The following ZNF536 variants were observed in gnomAD, a reference collection of about 807,000 sequenced individuals.
ZNF536 encodes zinc finger protein 536.
In ZNF536, 13 loss-of-function variants were observed where a neutral mutation model predicts 84.5. That is an observed-to-expected ratio of 0.15 (90% CI 0.10 to 0.24). The LOEUF (loss-of-function observed/expected upper bound fraction) is 0.24, where lower values mean the gene tolerates loss of function less well. Ranked by LOEUF, ZNF536 falls within the 10% of genes least tolerant of loss-of-function variation. ZNF536 has a pLI of 1.00. For missense variants in ZNF536, 1,536 were observed against 1,747.5 expected (o/e 0.88, Z 2.16); for synonymous variants, 811 against 742.5 (o/e 1.09, Z -1.50).
intron 1 of ZNF536, among the ~76,000 whole-genome samples, chr19:30,680,434 G>T (rs1432815191): frequency 1.2e-4 from 15 of 120,642 alleles, no homozygotes; most frequent in Non-Finnish European, 2.4e-4. Flanking sequence ...CCCAGAATGT[G>T]ATGTTCCCCT....
chr19:30,446,393 C>T (rs1201607507), intron 2 of ZNF536, among the ~76,000 whole-genome samples: 1 of 152,064 alleles, frequency 6.6e-6, no homozygotes, highest in East Asian at 1.9e-4. Flanking sequence ...CCGCCTGACG[C>T]TGTCGGCCAT....
At chr19:30,341,101 G>A (rs2047551089) in intron 2 of ZNF536, among the ~76,000 whole-genome samples, 1 of 152,126 alleles carries the variant, frequency 6.6e-6, no homozygotes, top group African/African-American at 2.4e-5. Flanking sequence ...TAAAACAGAT[G>A]GAAGCTTTAC....
chr19:30,315,224 C>T (rs1040832805), intron 2 of ZNF536, among the ~76,000 whole-genome samples: 1 of 152,164 alleles, frequency 6.6e-6, no homozygotes, highest in Non-Finnish European at 1.5e-5. Context: ...GAGGCATGGT[C>T]CTTCTCTTGT....
chr19:30,683,109 T>A (rs924573874), intron 1 of ZNF536, among the ~76,000 whole-genome samples: 1 of 152,058 alleles, frequency 6.6e-6, no homozygotes, highest in African/African-American at 2.4e-5. Context: ...TTCCTCCGAG[T>A]GACTCACGCG....
chr19:30,313,998 C>T (rs1382654786), intron 2 of ZNF536, among the ~76,000 whole-genome samples: 3 of 152,232 alleles, frequency 2.0e-5, no homozygotes. Context: ...GGCAACTACT[C>T]CAACGCTCCT....
chr19:30,299,637 A>T (rs921588461), intron 2 of ZNF536, among the ~76,000 whole-genome samples: 1 of 152,220 alleles, frequency 6.6e-6, no homozygotes, highest in African/African-American at 2.4e-5. Context: ...GGCATTCACT[A>T]GTTCTCAGAA....
chr19:30,388,158 C>T (rs1244393924), intron 1 of ZNF536, among the ~76,000 whole-genome samples: 3 of 152,104 alleles, frequency 2.0e-5, no homozygotes, highest in African/African-American at 2.4e-5. Context: ...TAAGATTTCC[C>T]GGGGGAGTGA....
chr19:30,247,044 G>T (rs1397450978), intron 1 of ZNF536, among the ~76,000 whole-genome samples: 1 of 152,214 alleles, frequency 6.6e-6, no homozygotes, highest in Non-Finnish European at 1.5e-5. Flanking sequence ...GGTTCTTCCA[G>T]CTTTCCGCTG....
At chr19:30,558,581 C>T (rs1457177093), downstream of ZNF536, among the ~76,000 whole-genome samples, 1 of 152,160 alleles carries the variant, frequency 6.6e-6, no homozygotes, top group Admixed American at 6.5e-5. Flanking sequence ...TTCTGCTGAC[C>T]TTTTCGGACT....
intron 4 of ZNF536, among the ~76,000 whole-genome samples, chr19:30,552,860 A>G (rs1002449933): frequency 6.6e-6 from 1 of 152,194 alleles, no homozygotes. Context: ...AGGACAGCAC[A>G]CGGCCTGTCA....
At chr19:30,308,720 G>T (rs1755062822) in intron 2 of ZNF536, among the ~76,000 whole-genome samples, 1 of 152,118 alleles carries the variant, frequency 6.6e-6, no homozygotes, top group South Asian at 2.1e-4. Flanking sequence ...GACAGCTTGG[G>T]AACTGCAAGC....
chr19:30,380,013 G>A (rs1465617180), intron 1 of ZNF536, among the ~76,000 whole-genome samples: 1 of 152,210 alleles, frequency 6.6e-6, no homozygotes, highest in Non-Finnish European at 1.5e-5. Flanking sequence ...GCCAGTGATG[G>A]AGCAGGGACT....
At chr19:30,669,630 G>T (rs2050467363) in intron 1 of ZNF536, among the ~76,000 whole-genome samples, 1 of 152,200 alleles carries the variant, frequency 6.6e-6, no homozygotes. Context: ...GAGGGCGCCC[G>T]ATCCTCGCAG....
chr19:30,274,961 GAAAGCCTTT>G (rs1282589016), intron 1 of ZNF536, among the ~76,000 whole-genome samples: 2 of 152,208 alleles, frequency 1.3e-5, no homozygotes, highest in African/African-American at 4.8e-5. Context: ...CACTCTATTA[GAAAGCCTTT>G]ATAATTTTCT....
intron 1 of ZNF536, among the ~76,000 whole-genome samples, chr19:30,641,745 T>C (rs1389514724): frequency 6.6e-6 from 1 of 152,200 alleles, no homozygotes; most frequent in Non-Finnish European, 1.5e-5. Context: ...TCAGATTTAC[T>C]CCTCAATGGG....
chr19:30,540,932 G>T (rs561839130), intron 3 of ZNF536, among the ~76,000 whole-genome samples: 2 of 152,216 alleles, frequency 1.3e-5, no homozygotes, highest in Non-Finnish European at 2.9e-5. Flanking sequence ...GGCTTCCTTG[G>T]CCCCACGTGC....
At chr19:30,509,936 G>A (rs2055342526) in intron 2 of ZNF536, among the ~76,000 whole-genome samples, 1 of 152,232 alleles carries the variant, frequency 6.6e-6, no homozygotes, top group African/African-American at 2.4e-5. Context: ...TGCATGGCAG[G>A]AGCCGAGATC....
intron 1 of ZNF536, among the ~76,000 whole-genome samples, chr19:30,393,136 C>A (rs1012205045): frequency 6.6e-6 from 1 of 152,292 alleles, no homozygotes; most frequent in South Asian, 2.1e-4. Context: ...ATCATTTATT[C>A]GTCCATCCAC....
intron 1 of ZNF536, among the ~76,000 whole-genome samples, chr19:30,704,589 G>A (rs1027893262): frequency 6.8e-6 from 1 of 147,158 alleles, no homozygotes; most frequent in African/African-American, 2.5e-5. Flanking sequence ...AGAGGTTGCA[G>A]TGAGCTGAGA....
Sources: allele counts gnomAD v4.1 joint callset (sites outside exome capture counted in the v4.1 genomes callset), GRCh38; gene constraint gnomAD v4.1.1; transcripts MANE v1.5; gene names NCBI Gene and HGNC (gene_info 2026-07-23, HGNC 2026-07-21).